EVI5: variants seen among roughly 807,000 people sequenced by gnomAD.
EVI5 encodes the protein ecotropic viral integration site 5 protein homolog.
In EVI5, 73 loss-of-function variants were observed where a neutral mutation model predicts 112.0. That is an observed-to-expected ratio of 0.65 (90% CI 0.54 to 0.79). The LOEUF (loss-of-function observed/expected upper bound fraction) is 0.79. Among genes scored for constraint, EVI5 ranks in the 30% least tolerant of loss-of-function variants. The probability of loss-of-function intolerance (pLI) is 0.00; values close to 1 mark genes in which losing one functional copy is unlikely to be tolerated. For missense variants in EVI5, 900 were observed against 968.8 expected (o/e 0.93, Z 0.94); for synonymous variants, 305 against 319.9 (o/e 0.95, Z 0.50).
chr1:92,747,420 A>G (rs973065812), intron 1 of EVI5, among the ~76,000 whole-genome samples: 7 of 152,122 alleles, frequency 4.6e-5, no homozygotes, highest in African/African-American at 1.7e-4. Context: ...GTGGCTTAAA[A>G]CAACAGAAAT....
At chr1:92,590,444 C>T (rs1031334440) in intron 18 of EVI5, among the ~76,000 whole-genome samples, 15 of 152,112 alleles carry the variant, frequency 9.9e-5, no homozygotes, top group East Asian at 5.8e-4. Flanking sequence ...CTGAAAACCA[C>T]GGCACGAGAA....
At chr1:92,637,308 G>A (rs1488399837) in intron 13 of EVI5, among the ~76,000 whole-genome samples, 1 of 151,904 alleles carries the variant, frequency 6.6e-6, no homozygotes, top group Non-Finnish European at 1.5e-5. Context: ...AGCCCGGGAG[G>A]TGGAGGTTGC....
chr1:92,717,825 G>A (rs1674016769), intron 2 of EVI5, among the ~76,000 whole-genome samples: 1 of 151,810 alleles, frequency 6.6e-6, no homozygotes, highest in Non-Finnish European at 1.5e-5. Context: ...ACGCACATAG[G>A]CTCAAAATAA....
chr1:92,513,776 T>C lies in EVI5; in HGVS notation c.2361A>G (p.Ala787=), dbSNP rs753139991. The C allele has an allele frequency of 6.2e-7, 1 of 1,613,614 alleles. No individual in the cohort carries two copies. The highest frequency in any genetic ancestry group is 1.7e-5 in the Admixed American group (1 of 59,944). ...TTTCGCTCTCACTACCATCTGCCAC[T>C]GCGGGGTCCAAAGACATCGAACCAG... is the stretch of plus-strand genomic sequence containing the variant. ...GKSGSMSLDP[A]VADGSESETE... The change falls in exon 20 of 20, where the codon GCA becomes GCG. Residue 787 remains alanine, a synonymous_variant. Coordinates refer to ENST00000684568, the MANE Select transcript of EVI5 (RefSeq NM_001350197.2).
intron 1 of EVI5, among the ~76,000 whole-genome samples, chr1:92,769,651 C>G (rs1254631524): frequency 6.6e-6 from 1 of 151,956 alleles, no homozygotes; most frequent in African/African-American, 2.4e-5. Context: ...TTTGGGAGGC[C>G]GAGGCAGGCA....
intron 1 of EVI5, among the ~76,000 whole-genome samples, chr1:92,777,377 TCTC>T (rs1684287719): frequency 2.0e-5 from 3 of 152,208 alleles, no homozygotes; most frequent in Non-Finnish European, 2.9e-5. Context: ...CAGGCACTCA[TCTC>T]CTCCTACCAC....
intron 13 of EVI5, 123 bp from the exon 14 acceptor site, chr1:92,636,459 T>A: frequency 1.4e-6 from 1 of 736,328 alleles, no homozygotes; most frequent in Non-Finnish European, 2.1e-6. Context: ...AGAAGTTCCA[T>A]CTACCCAATA....
chr1:92,773,294 A>G (rs1031568469), intron 1 of EVI5, among the ~76,000 whole-genome samples: 1 of 152,176 alleles, frequency 6.6e-6, no homozygotes, highest in Non-Finnish European at 1.5e-5. Context: ...ATGTATTAAT[A>G]TGCATGGATT....
At chr1:92,644,835 A>T (rs1660643937) in intron 13 of EVI5, among the ~76,000 whole-genome samples, 1 of 152,162 alleles carries the variant, frequency 6.6e-6, no homozygotes, top group African/African-American at 2.4e-5. Context: ...GATACCTATT[A>T]TTAATTTCTA....
intron 13 of EVI5, 149 bp downstream of exon 13, chr1:92,662,570 T>A: frequency 2.3e-6 from 1 of 437,634 alleles, no homozygotes; most frequent in Non-Finnish European, 3.3e-6. Context: ...CCCCTAAATA[T>A]CACAGAACAT....
At chr1:92,670,342 T>TAACCC in intron 10 of EVI5, among the ~76,000 whole-genome samples, 1 of 152,330 alleles carries the variant, frequency 6.6e-6, no homozygotes, top group East Asian at 1.9e-4. Context: ...GTTTACAAAG[T>TAACCC]AACCCAACCC....
At chr1:92,776,192 A>G (rs1388463011) in intron 1 of EVI5, among the ~76,000 whole-genome samples, 2 of 152,122 alleles carry the variant, frequency 1.3e-5, no homozygotes, top group Non-Finnish European at 2.9e-5. Context: ...GAAGGAAAAA[A>G]TCTATCTACT....
intron 6 of EVI5, among the ~76,000 whole-genome samples, chr1:92,696,574 C>T (rs574470127): frequency 1.3e-5 from 2 of 150,192 alleles, no homozygotes; most frequent in East Asian, 2.0e-4. Context: ...GAGGTCAAGG[C>T]GGCAGTGAAC....
At chr1:92,514,866 A>G (rs1478194410) in intron 19 of EVI5, among the ~76,000 whole-genome samples, 2 of 152,232 alleles carry the variant, frequency 1.3e-5, no homozygotes, top group East Asian at 3.8e-4. Flanking sequence ...GATGAAAATG[A>G]TTTATAAATC....
At chr1:92,553,277 C>T (rs895220070) in intron 19 of EVI5, among the ~76,000 whole-genome samples, 1 of 141,570 alleles carries the variant, frequency 7.1e-6, no homozygotes, top group Non-Finnish European at 1.5e-5. Flanking sequence ...ACTATAGGGG[C>T]ATGCCACCAC....
At chr1:92,665,886 AG>A in intron 11 of EVI5, 52 bp downstream of exon 11, 2 of 1,270,952 alleles carry the variant, frequency 1.6e-6, no homozygotes, top group South Asian at 2.6e-5. Context: ...ATAAATATAC[AG>A]AAAAAACACC....
At chr1:92,735,744 A>T (rs1677295931) in intron 2 of EVI5, among the ~76,000 whole-genome samples, 1 of 137,016 alleles carries the variant, frequency 7.3e-6, no homozygotes, top group South Asian at 2.2e-4. Flanking sequence ...TAATATAATC[A>T]TATTAAAATA....
At chr1:92,687,120 C>A (rs558089220) in intron 9 of EVI5, among the ~76,000 whole-genome samples, 40 of 152,208 alleles carry the variant, frequency 2.6e-4, no homozygotes, top group African/African-American at 8.4e-4. Context: ...GGAGGCATCA[C>A]GCTACCTGAC....
At chr1:92,687,684 A>G (rs1668795287) in intron 9 of EVI5, among the ~76,000 whole-genome samples, 1 of 152,218 alleles carries the variant, frequency 6.6e-6, no homozygotes, top group Admixed American at 6.5e-5. Context: ...GAACTTAAAC[A>G]AATTTACAAG....
Sources: gnomAD v4.1 joint callset for allele counts (sites outside exome capture counted in the v4.1 genomes callset) on GRCh38, gnomAD v4.1.1 for gene constraint, MANE v1.5 for transcripts, NCBI Gene and HGNC (gene_info 2026-07-23, HGNC 2026-07-21) for gene names.